The following PAK1 variants were observed in gnomAD, a reference collection of about 807,000 sequenced individuals.
PAK1 encodes the protein serine/threonine-protein kinase PAK 1.
Under a neutral mutation model 67.4 loss-of-function variants are expected in PAK1, and 29 were observed. The observed-to-expected ratio is 0.43, with a 90% CI of 0.32 to 0.59. PAK1 has a LOEUF of 0.59. Ranked by LOEUF, PAK1 falls within the 20% of genes least tolerant of loss-of-function variation. PAK1 has a pLI of 0.07. For missense variants in PAK1, 337 were observed against 670.7 expected (o/e 0.50, Z 5.50); for synonymous variants, 223 against 237.4 (o/e 0.94, Z 0.56).
At chr11:77,446,332 C>T (rs1245789728) in intron 1 of PAK1, among the ~76,000 whole-genome samples, 1 of 151,692 alleles carries the variant, frequency 6.6e-6, no homozygotes, top group Non-Finnish European at 1.5e-5. Context: ...GCCAACATGG[C>T]GAAACCCTGA....
intron 1 of PAK1, among the ~76,000 whole-genome samples, chr11:77,447,976 GTCCA>G (rs1357817421): frequency 6.6e-6 from 1 of 152,160 alleles, no homozygotes; most frequent in Non-Finnish European, 1.5e-5. Flanking sequence ...TTGAACTCTA[GTCCA>G]TCACTGCATT....
At chr11:77,457,458 C>G (rs1241533761) in intron 1 of PAK1, among the ~76,000 whole-genome samples, 1 of 152,194 alleles carries the variant, frequency 6.6e-6, no homozygotes, top group East Asian at 1.9e-4. Context: ...TTCTTATTCA[C>G]TGGCTGGGAC....
At chr11:77,509,706 T>C in the PAK1 span, among the ~76,000 whole-genome samples, 1 of 152,216 alleles carries the variant, frequency 6.6e-6, no homozygotes, top group Non-Finnish European at 1.5e-5. Flanking sequence ...TGAGTTCTTG[T>C]GAGATCTGGT....
intron 5 of PAK1, among the ~76,000 whole-genome samples, chr11:77,363,542 G>A (rs1323727578): frequency 6.6e-6 from 1 of 152,182 alleles, no homozygotes; most frequent in Non-Finnish European, 1.5e-5. Context: ...CATAACCACT[G>A]CTTTCACTTA....
chr11:77,512,039 C>T, the PAK1 span, among the ~76,000 whole-genome samples: 1 of 152,152 alleles, frequency 6.6e-6, no homozygotes, highest in African/African-American at 2.4e-5. Flanking sequence ...GGTCCCCTCA[C>T]TTTATGTTCT....
At chr11:77,339,207 T>C (rs556611085) in intron 11 of PAK1, among the ~76,000 whole-genome samples, 4 of 152,276 alleles carry the variant, frequency 2.6e-5, no homozygotes, top group African/African-American at 7.2e-5. Context: ...CTAAGGTATA[T>C]ATAGTGTGAA....
intron 1 of PAK1, chr11:77,397,122 A>G (rs769447309): frequency 6.6e-6 from 1 of 152,272 alleles, no homozygotes; most frequent in Non-Finnish European, 1.5e-5. Flanking sequence ...CATGAGGCCA[A>G]CATTATAACA....
intron 10 of PAK1, among the ~76,000 whole-genome samples, chr11:77,342,687 C>T (rs1045198347): frequency 1.3e-5 from 2 of 152,146 alleles, no homozygotes; most frequent in African/African-American, 4.8e-5. Context: ...TGTCAAAGTT[C>T]AACTCTTTTC....
At chr11:77,481,570 G>T in the PAK1 span, among the ~76,000 whole-genome samples, 1 of 151,544 alleles carries the variant, frequency 6.6e-6, no homozygotes, top group Non-Finnish European at 1.5e-5. Flanking sequence ...AGGTACTCAG[G>T]AGGCTGAGGC....
At chr11:77,393,896 G>C (rs1219818869) in intron 1 of PAK1, among the ~76,000 whole-genome samples, 1 of 152,074 alleles carries the variant, frequency 6.6e-6, no homozygotes, top group East Asian at 1.9e-4. Flanking sequence ...CCAGCTACTA[G>C]GGAGGCTGAG....
chr11:77,421,472 G>A (rs1955258195), intron 1 of PAK1, among the ~76,000 whole-genome samples: 1 of 152,038 alleles, frequency 6.6e-6, no homozygotes, highest in Non-Finnish European at 1.5e-5. Flanking sequence ...TTGTATCCTG[G>A]CACTTATCAT....
At chr11:77,400,114 T>A (rs1952469127) in intron 1 of PAK1, among the ~76,000 whole-genome samples, 1 of 151,958 alleles carries the variant, frequency 6.6e-6, no homozygotes, top group South Asian at 2.1e-4. Flanking sequence ...TGGTCTGGAG[T>A]AGGTCCAGGC....
chr11:77,483,923 T>C, the PAK1 span, among the ~76,000 whole-genome samples: 1 of 152,178 alleles, frequency 6.6e-6, no homozygotes, highest in Non-Finnish European at 1.5e-5. Context: ...TGGCAGAGCT[T>C]TACGTTACAC....
intron 1 of PAK1, among the ~76,000 whole-genome samples, chr11:77,467,453 G>A (rs1243116549): frequency 6.6e-6 from 1 of 152,176 alleles, no homozygotes; most frequent in East Asian, 1.9e-4. Context: ...TGCATAATAT[G>A]TATTTAGCAA....
chr11:77,503,553 A>T, the PAK1 span, among the ~76,000 whole-genome samples: 1 of 152,218 alleles, frequency 6.6e-6, no homozygotes, highest in Non-Finnish European at 1.5e-5. Context: ...CCATATTAGA[A>T]ATTGAAATTG....
intron 1 of PAK1, among the ~76,000 whole-genome samples, chr11:77,455,302 G>GA (rs35896629): frequency 5.1e-4 from 75 of 145,900 alleles, no homozygotes; most frequent in East Asian, 3.2e-3. Flanking sequence ...TACAGAGGTT[G>GA]AAAAAAAAAA....
At chr11:77,507,895 C>G in the PAK1 span, among the ~76,000 whole-genome samples, 2 of 152,120 alleles carry the variant, frequency 1.3e-5, no homozygotes. Flanking sequence ...GCAATAATCT[C>G]AAGAGTATAT....
the PAK1 span, among the ~76,000 whole-genome samples, chr11:77,502,229 G>T: frequency 1.3e-5 from 2 of 151,868 alleles, no homozygotes; most frequent in African/African-American, 4.8e-5. Context: ...TTCAGTTTTT[G>T]ATCAACAAAT....
At chr11:77,387,706 G>C (rs1950625261) in intron 2 of PAK1, among the ~76,000 whole-genome samples, 1 of 152,180 alleles carries the variant, frequency 6.6e-6, no homozygotes, top group Admixed American at 6.5e-5. Flanking sequence ...TAATGATATA[G>C]GATGAATGGG....
Sources: gnomAD v4.1 joint callset for allele counts (sites outside exome capture counted in the v4.1 genomes callset) on GRCh38, gnomAD v4.1.1 for gene constraint, MANE v1.5 for transcripts, NCBI Gene and HGNC (gene_info 2026-07-23, HGNC 2026-07-21) for gene names.